The following EXOC1L variants were observed in gnomAD, a reference collection of about 807,000 sequenced individuals.
The protein encoded by EXOC1L is exocyst complex component 1-like.
In EXOC1L, 10 loss-of-function variants were observed where a neutral mutation model predicts 4.9. The observed-to-expected ratio is 2.02, with a 90% CI of 1.25 to 3.43. The LOEUF (loss-of-function observed/expected upper bound fraction) is 3.43. Among genes scored for constraint, EXOC1L ranks in the 30% most tolerant of loss-of-function variants. The pLI is 0.00. For missense variants in EXOC1L, 114 were observed against 59.4 expected, an observed-to-expected ratio of 1.92 and a Z score of -3.02; for synonymous variants, 41 against 20.8, an observed-to-expected ratio of 1.97 and a Z score of -2.63.
intron 2 of EXOC1L, among the ~76,000 whole-genome samples, chr4:55,834,660 G>T (rs1720115704): frequency 6.6e-6 from 1 of 151,680 alleles, no homozygotes; most frequent in Non-Finnish European, 1.5e-5. Context: ...CAATGGATGT[G>T]CTTTCCCTTT....
At chr4:55,825,009 T>G (rs2110281071) in intron 1 of EXOC1L, among the ~76,000 whole-genome samples, 1 of 152,300 alleles carries the variant, frequency 6.6e-6, no homozygotes, top group East Asian at 1.9e-4. Flanking sequence ...GAATAGGAGC[T>G]TGATTTCAGA....
intron 2 of EXOC1L, among the ~76,000 whole-genome samples, chr4:55,831,983 G>T (rs1720045207): frequency 6.6e-6 from 1 of 152,026 alleles, no homozygotes. Flanking sequence ...GAACTCTGCT[G>T]TTGATGGAGA....
rs1719794757 is a variant in EXOC1L at position 55,823,389 on chromosome 4, A to G, written c.121+3242A>G. On this transcript the variant is annotated intron_variant, in intron 1 of 2. Transcript: ENST00000636125. Reference sequence around the variant, plus strand: ...ATCTTAACAACAGAGAGCACAATCTAAAGAATTTCTTTCTTTAAGTTGTCA... The same window carrying G: ...ATCTTAACAACAGAGAGCACAATCTGAAGAATTTCTTTCTTTAAGTTGTCA... 2.6e-5 allele frequency among the ~76,000 whole-genome samples: 4 copies of G among 152,346 alleles called. No individual in the cohort carries two copies. The South Asian group carries it at 8.3e-4, about 32-fold the overall frequency.
chr4:55,831,192 G>A (rs940613261), intron 1 of EXOC1L, 142 bp from the exon 2 acceptor site: 7 of 472,126 alleles, frequency 1.5e-5, no homozygotes, highest in African/African-American at 1.4e-4. Context: ...AGATACATCA[G>A]GACTCACAAT....
rs6848009 is a variant in EXOC1L, at chr4:55,831,431, T to C, written c.219T>C (p.Asp73=). The change falls in exon 2 of 3, where the codon GAT becomes GAC. Residue 73 remains aspartate (D), a synonymous_variant. Coordinates refer to ENST00000636125, the MANE Select transcript of EXOC1L (RefSeq NM_001351574.3). ...YEVTKKWSLN[D]LQMIDGKEAD... is the part of the protein sequence containing the mutation. ...TAACAAAAAAGTGGTCTTTGAACGATCTGCAGATGATTGATGGAAAAGAAG... is the reference window on the plus strand; with the variant it reads ...TAACAAAAAAGTGGTCTTTGAACGACCTGCAGATGATTGATGGAAAAGAAG... The C allele has an allele frequency of 2.9e-6, 2 of 696,458 alleles. No individual in the cohort carries two copies. The highest frequency in any genetic ancestry group is 5.2e-6 in the Non-Finnish European group (2 of 382,352). The allele number at this position is 696,458 out of a possible 1,614,324, so 43.1% of individuals were successfully genotyped here. A position where few individuals can be genotyped will look rare whatever the true frequency, so the allele number is the denominator to read the frequency against.
At chr4:55,825,531 A>AG (rs1298062622) in intron 1 of EXOC1L, among the ~76,000 whole-genome samples, 1 of 152,174 alleles carries the variant, frequency 6.6e-6, no homozygotes, top group Non-Finnish European at 1.5e-5. Flanking sequence ...TACTTTTAGT[A>AG]GGGGTACTGA....
chr4:55,824,483 C>T (rs954669442), intron 1 of EXOC1L, among the ~76,000 whole-genome samples: 1 of 152,114 alleles, frequency 6.6e-6, no homozygotes, highest in African/African-American at 2.4e-5. Flanking sequence ...CCACCTCAGC[C>T]TCCTGAGTAG....
rs1401399789 is a variant in EXOC1L, at chr4:55,832,632, T to C, written c.252+1168T>C. Among the ~76,000 whole-genome samples the C allele has an allele frequency of 2.6e-5, 4 of 152,112 alleles. No homozygotes were observed. In the East Asian group the frequency reaches 7.7e-4, roughly 29 times the overall value. On this transcript the variant is annotated intron_variant, in intron 2 of 2. Coordinates refer to ENST00000636125, the MANE Select transcript of EXOC1L (RefSeq NM_001351574.3). ...AAGCTAAGCTCCTTTCATGTATATT[T>C]TTACATAATCACCATAAAACCTCTT...
chr4:55,822,850 T>C (rs1305416408), intron 1 of EXOC1L, among the ~76,000 whole-genome samples: 9 of 152,148 alleles, frequency 5.9e-5, no homozygotes, highest in African/African-American at 2.2e-4. Flanking sequence ...TCTAAATAAA[T>C]AGAATTAAAT....
In EXOC1L at chr4:55,820,052, TGGA is replaced by T. The variant is rs1006306365; in HGVS notation, c.28_30del (p.Glu10del). The T allele has an allele frequency of 5.0e-6, 2 of 399,000 alleles. No individual in the cohort carries two copies. Among genetic ancestry groups the T allele is most frequent in the Admixed American group, 8.8e-5 (2 of 22,714 alleles). The allele number at this position is 399,000 out of a possible 1,614,324, so 24.7% of individuals were successfully genotyped here. On this transcript the variant is annotated inframe_deletion, in exon 1 of 3. Transcript: ENST00000636125. ...ATGTCATCATTGGTAAAGGAGGACT[TGGA>T]GAAGAAACTGTTTAAGCCACTCTCG...
chr4:55,824,130 T>C (rs182814809), intron 1 of EXOC1L, among the ~76,000 whole-genome samples: 122 of 152,210 alleles, frequency 8.0e-4, no homozygotes, highest in African/African-American at 2.8e-3. Context: ...ATCACAATTG[T>C]CAAATGGGGA....
intron 1 of EXOC1L, among the ~76,000 whole-genome samples, chr4:55,827,064 TA>T (rs1166424581): frequency 6.6e-6 from 1 of 152,196 alleles, no homozygotes; most frequent in Non-Finnish European, 1.5e-5. Flanking sequence ...CCATTCACTT[TA>T]AATCCTTCAG....
chr4:55,834,011 A>G (rs1260495732), intron 2 of EXOC1L, among the ~76,000 whole-genome samples: 1 of 151,892 alleles, frequency 6.6e-6, no homozygotes, highest in East Asian at 1.9e-4. Flanking sequence ...GGGAATTTCT[A>G]CTTCTCTTTT....
intron 1 of EXOC1L, 49 bp downstream of exon 1, chr4:55,820,196 T>A (rs1452933647): frequency 2.5e-6 from 1 of 398,256 alleles, no homozygotes; most frequent in Non-Finnish European, 4.4e-6. Flanking sequence ...CACCCAAAGA[T>A]GCTTGGATGA....
chr4:55,828,193 A>G (rs1305058119), intron 1 of EXOC1L, among the ~76,000 whole-genome samples: 1 of 152,074 alleles, frequency 6.6e-6, no homozygotes, highest in Non-Finnish European at 1.5e-5. Context: ...TGTAAATCCT[A>G]CCTAACCTTG....
chr4:55,831,442 T>C lies in EXOC1L; in HGVS notation c.230T>C (p.Ile77Thr), dbSNP rs1314345059. ...KKWSLNDLQM[I>T]DGKEADTDNP... ...TGGTCTTTGAACGATCTGCAGATGA[T>C]TGATGGAAAAGAAGCAGATACTGTA... The change falls in exon 2 of 3, where the codon ATT becomes ACT. Residue 77 changes from isoleucine (I) to threonine (T), a missense_variant. Physicochemically the swap from Ile to Thr is moderately conservative, Grantham distance 89. Coordinates refer to ENST00000636125, the MANE Select transcript of EXOC1L (RefSeq NM_001351574.3). 1.4e-6 allele frequency: 1 copy of C among 694,720 alleles called. No individual in the cohort carries two copies. The highest frequency in any genetic ancestry group is 2.6e-6 in the Non-Finnish European group (1 of 381,900). 43.0% of individuals were successfully genotyped at this position (694,720 alleles called of 1,614,324 possible). A position where few individuals can be genotyped will look rare whatever the true frequency, so the allele number is the denominator to read the frequency against.
At chr4:55,834,223 A>G (rs1720105910) in intron 2 of EXOC1L, among the ~76,000 whole-genome samples, 1 of 151,976 alleles carries the variant, frequency 6.6e-6, no homozygotes, top group African/African-American at 2.4e-5. Context: ...ATTGAAGTCA[A>G]TTTATAAAGC....
At chr4:55,825,666 T>C (rs1719859799) in intron 1 of EXOC1L, among the ~76,000 whole-genome samples, 1 of 152,190 alleles carries the variant, frequency 6.6e-6, no homozygotes, top group Non-Finnish European at 1.5e-5. Flanking sequence ...TCCCGTTCTG[T>C]AAAAACATCA....
chr4:55,835,014 G>A (rs1171946898), intron 2 of EXOC1L, among the ~76,000 whole-genome samples: 2 of 151,648 alleles, frequency 1.3e-5, no homozygotes, highest in African/African-American at 4.8e-5. Flanking sequence ...AAAGTCCATT[G>A]TGTCATTCTT....
Sources: gnomAD v4.1 joint callset for allele counts (sites outside exome capture counted in the v4.1 genomes callset) on GRCh38, gnomAD v4.1.1 for gene constraint, MANE v1.5 for transcripts, NCBI Gene and HGNC (gene_info 2026-07-23, HGNC 2026-07-21) for gene names.